The following CNTN4 variants were observed in gnomAD, a reference collection of about 807,000 sequenced individuals.
CNTN4 encodes contactin-4.
Under a neutral mutation model 122.5 loss-of-function variants are expected in CNTN4, and 77 were observed. That is an observed-to-expected ratio of 0.63 (90% CI 0.52 to 0.76). The LOEUF (loss-of-function observed/expected upper bound fraction) is 0.76, where lower values mean the gene tolerates loss of function less well. Among genes scored for constraint, CNTN4 ranks in the 30% least tolerant of loss-of-function variants. CNTN4 has a pLI of 0.00. For missense variants in CNTN4, 1,256 were observed against 1,259.1 expected (o/e 1.00, Z 0.04); for synonymous variants, 512 against 447.0 (o/e 1.15, Z -1.83).
At chr3:2,643,728 A>G (rs549592240) in intron 4 of CNTN4, among the ~76,000 whole-genome samples, 1 of 152,300 alleles carries the variant, frequency 6.6e-6, no homozygotes, top group African/African-American at 2.4e-5. Context: ...GATAGTCTCC[A>G]TTCTGCTTTG....
intron 2 of CNTN4, among the ~76,000 whole-genome samples, chr3:2,125,336 G>C (rs1164727696): frequency 2.0e-5 from 3 of 148,244 alleles, no homozygotes; most frequent in African/African-American, 7.6e-5. Context: ...TTCTCTGTGT[G>C]TGTGTGTGTG....
chr3:2,319,135 A>T (rs1276151165), intron 2 of CNTN4, among the ~76,000 whole-genome samples: 1 of 152,200 alleles, frequency 6.6e-6, no homozygotes, highest in Admixed American at 6.5e-5. Flanking sequence ...CAAAAGGAAG[A>T]GGAAAGAAAA....
At chr3:2,570,177 T>A (rs80042321) in intron 3 of CNTN4, among the ~76,000 whole-genome samples, 4 of 148,924 alleles carry the variant, frequency 2.7e-5, no homozygotes, top group Non-Finnish European at 6.0e-5. Flanking sequence ...CAGTGTTTAA[T>A]TTTTTTTTTT....
At chr3:2,573,277 C>T (rs1161758245) in intron 4 of CNTN4, among the ~76,000 whole-genome samples, 2 of 152,156 alleles carry the variant, frequency 1.3e-5, no homozygotes, top group African/African-American at 4.8e-5. Flanking sequence ...AGTCTACCTT[C>T]ATGTTTCAAA....
At chr3:2,834,061 A>T (rs905808961) in intron 7 of CNTN4, among the ~76,000 whole-genome samples, 2 of 151,982 alleles carry the variant, frequency 1.3e-5, no homozygotes, top group African/African-American at 4.8e-5. Flanking sequence ...CAGGAGAATC[A>T]CTTGATCACG....
chr3:2,134,984 GC>G, intron 2 of CNTN4, among the ~76,000 whole-genome samples: 1 of 152,230 alleles, frequency 6.6e-6, no homozygotes, highest in East Asian at 1.9e-4. Context: ...ACAACCTGTG[GC>G]CCAGTCAAGT....
Position 2,340,710 on chromosome 3 carries a change from T to TATATAGAGAGAGAGAG in CNTN4, c.-89+1478_-89+1479insTATAGAGAGAGAGAGA. Among the ~76,000 whole-genome samples the TATATAGAGAGAGAGAG allele has an allele frequency of 6.9e-3, 127 of 18,296 alleles. 4 individuals are homozygous for TATATAGAGAGAGAGAG. The highest frequency in any genetic ancestry group is 0.012 in the Non-Finnish European group (74 of 6,156). The allele number at this position is 18,296 out of a possible 152,430, so 12.0% of individuals were successfully genotyped here. ...TTATATATATATATATATATATATA[T>TATATAGAGAGAGAGAG]AGAGAGAGAGAGAGAGAGAGAGAGA... On this transcript the variant is annotated intron_variant, in intron 3 of 24. Coordinates refer to ENST00000418658, the MANE Select transcript of CNTN4 (RefSeq NM_175607.3).
At chr3:2,138,958 A>G (rs1435651827) in intron 2 of CNTN4, among the ~76,000 whole-genome samples, 1 of 152,152 alleles carries the variant, frequency 6.6e-6, no homozygotes, top group Non-Finnish European at 1.5e-5. Flanking sequence ...CAAAGCAAAG[A>G]CAGTTTGTAT....
chr3:2,545,376 C>A (rs2078201501), intron 3 of CNTN4, among the ~76,000 whole-genome samples: 1 of 151,844 alleles, frequency 6.6e-6, no homozygotes, highest in Non-Finnish European at 1.5e-5. Flanking sequence ...CTTTTGGGTC[C>A]ATTTGGTCAA....
intron 3 of CNTN4, among the ~76,000 whole-genome samples, chr3:2,553,030 A>G (rs909655497): frequency 1.3e-5 from 2 of 152,180 alleles, no homozygotes; most frequent in Non-Finnish European, 2.9e-5. Flanking sequence ...GACGGTGTCT[A>G]GTTGGAGACC....
rs188823221 is a variant in CNTN4 at position 2,669,721 on chromosome 3, T to A, written c.56-66494T>A. 9.3e-3 allele frequency among the ~76,000 whole-genome samples: 1,423 copies of A among 152,328 alleles called. 25 individuals are homozygous for A. Among genetic ancestry groups the A allele is most frequent in the African/African-American group, 0.032 (1,347 of 41,566 alleles). ...TTTGGATCTTTCCTGCTTTCTCTTG[T>A]GGGCATTTAGTGCTATAAATTTCCC... is the stretch of plus-strand genomic sequence containing the variant. On this transcript the variant is annotated intron_variant, in intron 4 of 24. Transcript: ENST00000418658.
intron 3 of CNTN4, among the ~76,000 whole-genome samples, chr3:2,499,619 A>G (rs1395827515): frequency 6.6e-6 from 1 of 152,074 alleles, no homozygotes; most frequent in East Asian, 1.9e-4. Context: ...CCAGTATCAC[A>G]CTGTCATGAT....
chr3:2,317,607 G>A (rs372464230), intron 2 of CNTN4, among the ~76,000 whole-genome samples: 108 of 152,192 alleles, frequency 7.1e-4, no homozygotes, highest in African/African-American at 2.3e-3. Flanking sequence ...CTACCATTCC[G>A]TTCTAATGGA....
chr3:2,167,894 G>A (rs553451871), intron 2 of CNTN4, among the ~76,000 whole-genome samples: 186 of 152,232 alleles, frequency 1.2e-3, no homozygotes, highest in African/African-American at 4.1e-3. Context: ...GGTGGCTTAT[G>A]CCTGTAATCC....
chr3:2,923,075 C>G (rs754870014), intron 12 of CNTN4, among the ~76,000 whole-genome samples: 15 of 152,124 alleles, frequency 9.9e-5, no homozygotes, highest in Non-Finnish European at 2.2e-4. Flanking sequence ...ATTTCAAATC[C>G]TGTAAAAGCA....
At chr3:2,204,345 C>T (rs1195036800) in intron 2 of CNTN4, among the ~76,000 whole-genome samples, 1 of 152,102 alleles carries the variant, frequency 6.6e-6, no homozygotes, top group East Asian at 1.9e-4. Flanking sequence ...AGTTATTATA[C>T]ACATTTAATA....
At chr3:2,225,329 A>G (rs111659765) in intron 2 of CNTN4, among the ~76,000 whole-genome samples, 3,143 of 149,740 alleles carry the variant, frequency 0.021, 97 homozygotes, top group African/African-American at 0.073. Flanking sequence ...CCTGGCCAAG[A>G]TGGTGAAACC....
At chr3:2,599,757 T>C (rs749690381) in intron 4 of CNTN4, among the ~76,000 whole-genome samples, 54 of 152,178 alleles carry the variant, frequency 3.5e-4, no homozygotes, top group Non-Finnish European at 6.6e-4. Context: ...TTATTCATTA[T>C]TGCATTAGAG....
At chr3:2,302,554 A>C (rs1012278147) in intron 2 of CNTN4, among the ~76,000 whole-genome samples, 4 of 152,238 alleles carry the variant, frequency 2.6e-5, no homozygotes, top group Non-Finnish European at 4.4e-5. Context: ...AAGTCGTTGA[A>C]ATATTTAATT....
Sources: allele counts gnomAD v4.1 joint callset (sites outside exome capture counted in the v4.1 genomes callset), GRCh38; gene constraint gnomAD v4.1.1; transcripts MANE v1.5; gene names NCBI Gene and HGNC (gene_info 2026-07-23, HGNC 2026-07-21).